The following ETV6 variants were observed in gnomAD, a reference collection of about 807,000 sequenced individuals.
The protein encoded by ETV6 is transcription factor ETV6.
Under a neutral mutation model 51.1 loss-of-function variants are expected in ETV6, and 16 were observed. That is an observed-to-expected ratio of 0.31 (90% confidence interval 0.21 to 0.48). The LOEUF is 0.48. ETV6 is among the 20% of genes least tolerant of loss of function. The pLI, the probability that ETV6 is intolerant of heterozygous loss-of-function variation, is 0.99. For missense variants in ETV6, 458 were observed against 594.8 expected (o/e 0.77, Z 2.39); for synonymous variants, 240 against 224.1 (o/e 1.07, Z -0.64).
At chr12:11,677,903 C>T (rs1473921231) in intron 1 of ETV6, among the ~76,000 whole-genome samples, 1 of 152,250 alleles carries the variant, frequency 6.6e-6, no homozygotes, top group Non-Finnish European at 1.5e-5. Context: ...CGGAGCGCCT[C>T]CCAGCGTCCT....
chr12:11,650,108 G>C lies in ETV6; in HGVS notation c.-20G>C, dbSNP rs200485978. On this transcript the variant is annotated 5_prime_UTR_variant, in exon 1 of 8. An upstream open reading frame in the 5' UTR loses its in-frame stop. Coordinates refer to ENST00000396373, the MANE Select transcript of ETV6 (RefSeq NM_001987.5). The stretch of plus-strand genomic sequence containing the variant: ...AGTGGAAAAAACCTGAGAACTTCCT[G>C]ATCTCTCTCGCTGTGAGACATGTCT... The C allele has an allele frequency of 9.3e-4, 1,497 of 1,612,918 alleles. 9 individuals are homozygous for C. Among genetic ancestry groups the C allele is most frequent in the Non-Finnish European group, 2.8e-4 (326 of 1,179,038 alleles).
chr12:11,759,281 C>A (rs1945047832), intron 2 of ETV6, among the ~76,000 whole-genome samples: 1 of 152,030 alleles, frequency 6.6e-6, no homozygotes, highest in Admixed American at 6.5e-5. Context: ...TCAGCTCTGA[C>A]AAAGTGGCCC....
rs561686599 is a variant in ETV6 at position 11,662,820 on chromosome 12, A to G, written c.33+12660A>G. ...TTTTCTTCGCAGCCCTGGTCCCCAA[A>G]TTGGTGTCTGTGATTCTTCCTAGGG... is the stretch of plus-strand genomic sequence containing the variant. On this transcript the variant is annotated intron_variant, in intron 1 of 7. Transcript: ENST00000396373. 2.6e-5 allele frequency among the ~76,000 whole-genome samples: 4 copies of G among 152,324 alleles called. No homozygotes were observed. The South Asian group carries it at 8.3e-4, about 32-fold the overall frequency.
chr12:11,653,106 G>C (rs922720658), intron 1 of ETV6, among the ~76,000 whole-genome samples: 1 of 151,984 alleles, frequency 6.6e-6, no homozygotes, highest in Non-Finnish European at 1.5e-5. Context: ...AAGTTCAAAT[G>C]CTTCAATTCC....
chr12:11,853,190 A>G (rs982973648), intron 3 of ETV6, among the ~76,000 whole-genome samples: 4 of 152,232 alleles, frequency 2.6e-5, no homozygotes, highest in African/African-American at 9.6e-5. Flanking sequence ...CTGTCTCAGA[A>G]AAAAAGTATA....
chr12:11,762,135 TGCCAGCTCCTAGGCCTTGCAGG>T (rs1273239308), intron 2 of ETV6, among the ~76,000 whole-genome samples: 6 of 152,340 alleles, frequency 3.9e-5, no homozygotes, highest in Admixed American at 2.0e-4. Flanking sequence ...TGAGAACTGG[TGCCAGCTCCTAGGCCTTGCAGG>T]GCTTCTAAAG....
chr12:11,791,238 A>C (rs1167883599), intron 2 of ETV6, among the ~76,000 whole-genome samples: 2 of 151,524 alleles, frequency 1.3e-5, no homozygotes, highest in African/African-American at 4.9e-5. Flanking sequence ...CCACCCCCTT[A>C]TCTCTTCTGG....
At chr12:11,685,145 A>G (rs1172560725) in intron 1 of ETV6, among the ~76,000 whole-genome samples, 2 of 152,102 alleles carry the variant, frequency 1.3e-5, no homozygotes, top group African/African-American at 4.8e-5. Flanking sequence ...CTAGCTAGGC[A>G]CCTTTTTCCC....
intron 2 of ETV6, among the ~76,000 whole-genome samples, chr12:11,770,103 A>G (rs1331626653): frequency 6.6e-6 from 1 of 152,184 alleles, no homozygotes; most frequent in Non-Finnish European, 1.5e-5. Context: ...GAGTTATATC[A>G]TCTTCTTCAT....
intron 1 of ETV6, among the ~76,000 whole-genome samples, chr12:11,748,568 GA>G (rs1377933800): frequency 6.6e-6 from 1 of 152,152 alleles, no homozygotes; most frequent in Non-Finnish European, 1.5e-5. Flanking sequence ...GTGATTTATG[GA>G]AGCTTTATAT....
At chr12:11,816,498 G>A (rs2855733) in intron 2 of ETV6, among the ~76,000 whole-genome samples, 33,563 of 152,008 alleles carry the variant, frequency 0.22, 4,087 homozygotes, top group East Asian at 0.36. Context: ...CACCCGCCTC[G>A]GCCTCCCAAA....
intron 4 of ETV6, among the ~76,000 whole-genome samples, chr12:11,857,494 TC>T (rs1409303339): frequency 6.6e-6 from 1 of 152,244 alleles, no homozygotes; most frequent in African/African-American, 2.4e-5. Context: ...ACCAGCATTT[TC>T]ACTCTTTTTC....
intron 2 of ETV6, among the ~76,000 whole-genome samples, chr12:11,770,217 C>T (rs1945223217): frequency 6.6e-6 from 1 of 152,058 alleles, no homozygotes; most frequent in Non-Finnish European, 1.5e-5. Flanking sequence ...CCCAGTAGAC[C>T]ATCAGGCCTT....
chr12:11,663,767 G>GTGTA (rs1297182857), intron 1 of ETV6, among the ~76,000 whole-genome samples: 11 of 151,796 alleles, frequency 7.2e-5, no homozygotes, highest in South Asian at 2.1e-4. Context: ...TTGTGTGTGT[G>GTGTA]TGTGTATGTG....
intron 1 of ETV6, among the ~76,000 whole-genome samples, chr12:11,712,239 C>T (rs1291301656): frequency 8.5e-5 from 13 of 152,218 alleles, no homozygotes; most frequent in Non-Finnish European, 1.5e-5. Context: ...GCTGTAGTCC[C>T]TATTTCATCC....
At chr12:11,708,156 C>T (rs1865107550) in intron 1 of ETV6, among the ~76,000 whole-genome samples, 1 of 151,982 alleles carries the variant, frequency 6.6e-6, no homozygotes, top group African/African-American at 2.4e-5. Flanking sequence ...ACTACCACAT[C>T]CAGCCTTGAT....
At chr12:11,859,866 C>T (rs1277838963) in intron 4 of ETV6, among the ~76,000 whole-genome samples, 2 of 152,206 alleles carry the variant, frequency 1.3e-5, no homozygotes, top group East Asian at 1.9e-4. Flanking sequence ...GTCCTGCTTA[C>T]ATTACTGCCA....
At chr12:11,693,175 G>A (rs1864799707) in intron 1 of ETV6, among the ~76,000 whole-genome samples, 1 of 152,174 alleles carries the variant, frequency 6.6e-6, no homozygotes, top group East Asian at 1.9e-4. Flanking sequence ...TGTTGCATCT[G>A]TCAGATAAAT....
chr12:11,722,132 A>C (rs954818046), intron 1 of ETV6, among the ~76,000 whole-genome samples: 13 of 152,248 alleles, frequency 8.5e-5, no homozygotes, highest in African/African-American at 2.4e-5. Context: ...AGAGCATGGA[A>C]AATTGAAGCC....
Sources: gnomAD v4.1 joint callset for allele counts (sites outside exome capture counted in the v4.1 genomes callset) on GRCh38, gnomAD v4.1.1 for gene constraint, MANE v1.5 for transcripts, NCBI Gene and HGNC (gene_info 2026-07-23, HGNC 2026-07-21) for gene names.